BACE1: variants seen among roughly 807,000 people sequenced by gnomAD.
BACE1 encodes APP beta-secretase.
In BACE1, 21 loss-of-function variants were observed where a neutral mutation model predicts 54.0. The ratio of observed to expected loss-of-function variants is 0.39; its 90% confidence interval spans 0.28 to 0.56. The LOEUF is 0.56. BACE1 is among the 20% of genes least tolerant of loss of function. The pLI is 0.63. For synonymous variants in BACE1, 232 were observed against 260.9 expected (o/e 0.89, Z 1.07); for missense variants, 511 against 661.2 (o/e 0.77, Z 2.49).
rs2034396560 is a variant in BACE1, at chr11:117,290,609, G to A, written c.1143C>T (p.Tyr381=). The A allele has an allele frequency of 1.2e-6, 2 of 1,614,100 alleles. No individual in the cohort carries two copies. Among genetic ancestry groups the A allele is most frequent in the South Asian group, 2.2e-5 (2 of 91,084 alleles). ...TGGATGACTGTGAGATGGCAAACTT[G>A]TAACAGTCGTCTTGGGACGTGGCCA... ...EDVATSQDDC[Y]KFAISQSSTG... Residue 381 remains tyrosine (Y), a synonymous_variant, in exon 8 of 9, where the codon TAC becomes TAT. Coordinates refer to ENST00000313005, the MANE Select transcript of BACE1 (RefSeq NM_012104.6).
At chr11:117,295,438 A>G (rs1199057303) in intron 2 of BACE1, 91 bp from the exon 3 acceptor site, 2 of 1,528,722 alleles carry the variant, frequency 1.3e-6, no homozygotes, top group Admixed American at 2.0e-5. Context: ...ACCTTATCTC[A>G]TCTCAGGGGA....
At position 117,295,296 on chromosome 11, in the gene BACE1, C is replaced by T. The variant is rs756882380; in HGVS notation, c.402G>A (p.Gln134=). The change falls in exon 3 of 9, where the codon CAG becomes CAA. Residue 134 remains glutamine (Q), a synonymous_variant. Transcript: ENST00000313005. ...LRKGVYVPYT[Q]GKWEGELGTD... is the part of the protein sequence containing the mutation. ...TGCCCAGCTCCCCTTCCCACTTGCC[C>T]TGGGTGTAGGGCACATACACACCCT... is the stretch of plus-strand genomic sequence containing the variant. The T allele has an allele frequency of 4.3e-6, 7 of 1,614,106 alleles. No individual in the cohort carries two copies. Among genetic ancestry groups the T allele is most frequent in the South Asian group, 3.3e-5 (3 of 91,094 alleles).
rs182317425 is a variant in BACE1, at chr11:117,308,473, C to T, written c.261+7062G>A. ...AGCATCTCAAAGGCATGTCCCAGATCGTAGAACACAGGAAGGAAAGGCCCC... is the reference window on the plus strand; with the variant it reads ...AGCATCTCAAAGGCATGTCCCAGATTGTAGAACACAGGAAGGAAAGGCCCC... On this transcript the variant is annotated intron_variant, in intron 1 of 8. Coordinates refer to ENST00000313005, the MANE Select transcript of BACE1 (RefSeq NM_012104.6). Among the ~76,000 whole-genome samples the T allele has an allele frequency of 1.8e-4, 27 of 152,276 alleles. 2 individuals are homozygous for T. Among genetic ancestry groups the T allele is most frequent in the African/African-American group, 6.3e-4 (26 of 41,544 alleles).
chr11:117,286,908 A>G lies in BACE1; in HGVS notation c.*2658T>C, dbSNP rs1306268390. On this transcript the variant is annotated 3_prime_UTR_variant, in exon 9 of 9. Coordinates refer to ENST00000313005, the MANE Select transcript of BACE1 (RefSeq NM_012104.6). ...GGTGGCAAAATGGAAGACCAGTTCT[A>G]TTGTTCTTTTTGTTTAGGGGATTCG... 1 of 152,400 alleles carries G rather than the reference A, an allele frequency of 6.6e-6. No individual in the cohort carries two copies. Among genetic ancestry groups the G allele is most frequent in the East Asian group, 1.9e-4 (1 of 5,182 alleles). The allele number at this position is 152,400 out of a possible 1,614,324, so 9.4% of individuals were successfully genotyped here. A position where few individuals can be genotyped will look rare whatever the true frequency, so the allele number is the denominator to read the frequency against.
chr11:117,291,930 T>C (rs2034451731), intron 5 of BACE1, 117 bp from the exon 6 acceptor site: 1 of 633,056 alleles, frequency 1.6e-6, no homozygotes, highest in African/African-American at 1.8e-5. Flanking sequence ...TGGCACCTCC[T>C]AAGTGTACCT....
At chr11:117,313,165 A>G (rs2034992012) in intron 1 of BACE1, among the ~76,000 whole-genome samples, 1 of 152,162 alleles carries the variant, frequency 6.6e-6, no homozygotes, top group East Asian at 1.9e-4. Flanking sequence ...ATGGGGAGAG[A>G]GTCCAAGCCA....
In BACE1 at chr11:117,288,097, A is replaced by T. The variant is rs1456822709; in HGVS notation, c.*1469T>A. On this transcript the variant is annotated 3_prime_UTR_variant, in exon 9 of 9. Transcript: ENST00000313005. The stretch of plus-strand genomic sequence containing the variant: ...ACCTAGCCCAAGAACCAGCCTGGGT[A>T]CCCACGTACCATTAGGAGCGGGGAG... 6.5e-6 allele frequency: 1 copy of T among 152,674 alleles called. No homozygotes were observed. Among genetic ancestry groups the T allele is most frequent in the Non-Finnish European group, 1.5e-5 (1 of 68,092 alleles). The allele number at this position is 152,674 out of a possible 1,614,324, so 9.5% of individuals were successfully genotyped here.
intron 1 of BACE1, among the ~76,000 whole-genome samples, chr11:117,308,124 C>T (rs2034872077): frequency 6.6e-6 from 1 of 152,060 alleles, no homozygotes; most frequent in Non-Finnish European, 1.5e-5. Context: ...CCTTCTCCCT[C>T]ACCGCTGAGG....
In BACE1 at chr11:117,290,677, CAG is replaced by C; in HGVS notation, c.1093-20_1093-19del. Reference sequence around the variant, plus strand: ...AGGTATTGCTAGGGGTAAGCAATCACAGGGTGAGTGTCTTCCTCACTCTCCTT... The same window carrying C: ...AGGTATTGCTAGGGGTAAGCAATCACGGTGAGTGTCTTCCTCACTCTCCTT... On this transcript the variant is annotated intron_variant, in intron 7 of 8. Transcript: ENST00000313005. 1 of 1,612,646 alleles carries C rather than the reference CAG, an allele frequency of 6.2e-7. No homozygotes were observed. The highest frequency in any genetic ancestry group is 8.5e-7 in the Non-Finnish European group (1 of 1,179,458).
intron 1 of BACE1, among the ~76,000 whole-genome samples, chr11:117,305,235 AGT>A (rs1166370290): frequency 6.6e-6 from 1 of 152,062 alleles, no homozygotes; most frequent in Non-Finnish European, 1.5e-5. Flanking sequence ...GCTTTTCCTA[AGT>A]GATTTCCAGA....
rs2034246513 is a variant in BACE1, at chr11:117,285,866, C to T, written c.*3700G>A. The T allele has an allele frequency of 6.6e-6, 1 of 152,588 alleles. No individual in the cohort carries two copies. The highest frequency in any genetic ancestry group is 2.1e-4 in the South Asian group (1 of 4,834). The allele number at this position is 152,588 out of a possible 1,614,324, so 9.5% of individuals were successfully genotyped here. On this transcript the variant is annotated 3_prime_UTR_variant, in exon 9 of 9. Coordinates refer to ENST00000313005, the MANE Select transcript of BACE1 (RefSeq NM_012104.6). ...CACAAGCTTCTGTCCACCCTATTTT[C>T]TGGACAGAAATTAGCACAACCCACA...
At chr11:117,289,986 C>T (rs934431591) in intron 8 of BACE1, among the ~76,000 whole-genome samples, 179 bp from the exon 9 acceptor site, 1 of 152,158 alleles carries the variant, frequency 6.6e-6, no homozygotes, top group East Asian at 1.9e-4. Context: ...GTCTCCCTTC[C>T]CAAGTCACTG....
At position 117,289,351 on chromosome 11, in the gene BACE1, T is replaced by A; in HGVS notation, c.*215A>T. 1 of 676,184 alleles carries A rather than the reference T, an allele frequency of 1.5e-6. No individual in the cohort carries two copies. Among genetic ancestry groups the A allele is most frequent in the Non-Finnish European group, 2.3e-6 (1 of 426,346 alleles). The allele number at this position is 676,184 out of a possible 1,614,324, so 41.9% of individuals were successfully genotyped here. On this transcript the variant is annotated 3_prime_UTR_variant, in exon 9 of 9. Coordinates refer to ENST00000313005, the MANE Select transcript of BACE1 (RefSeq NM_012104.6). Reference sequence around the variant, plus strand: ...ACCAAGAGTATTCCCGCCAGCAGAGTGCTTCTTTCTTCTCTTTTCTGTTTC... The same window carrying A: ...ACCAAGAGTATTCCCGCCAGCAGAGAGCTTCTTTCTTCTCTTTTCTGTTTC...
intron 8 of BACE1, 144 bp downstream of exon 8, chr11:117,290,344 A>G: frequency 3.9e-6 from 4 of 1,022,088 alleles, no homozygotes. Context: ...CATTGACACT[A>G]GCTTTTGCAC....
chr11:117,309,027 G>T (rs1188955265), intron 1 of BACE1, among the ~76,000 whole-genome samples: 1 of 152,120 alleles, frequency 6.6e-6, no homozygotes, highest in African/African-American at 2.4e-5. Context: ...CTGACAAAAA[G>T]TCAGAGAGGT....
chr11:117,291,093 A>G (rs774182544), intron 6 of BACE1, 44 bp from the exon 7 acceptor site: 1 of 1,602,230 alleles, frequency 6.2e-7, no homozygotes, highest in Non-Finnish European at 8.5e-7. Flanking sequence ...AAGCCTCTTT[A>G]TCATCTCGCC....
At chr11:117,305,677 T>C (rs148083479) in intron 1 of BACE1, among the ~76,000 whole-genome samples, 102 of 152,128 alleles carry the variant, frequency 6.7e-4, no homozygotes, top group African/African-American at 2.4e-3. Flanking sequence ...CCTACTCCAA[T>C]AGAATGATGG....
At chr11:117,301,279 C>T (rs527524831) in intron 1 of BACE1, among the ~76,000 whole-genome samples, 8 of 152,322 alleles carry the variant, frequency 5.3e-5, no homozygotes, top group African/African-American at 1.4e-4. Flanking sequence ...TCCCGACGCA[C>T]GCACCCAAGT....
chr11:117,290,518 G>T lies in BACE1; in HGVS notation c.1234C>A (p.Arg412=). The T allele has an allele frequency of 6.2e-7, 1 of 1,614,180 alleles. No individual in the cohort carries two copies. The stretch of plus-strand genomic sequence containing the variant: ...CAAGCGCTGACAGCAAAGCCAATTC[G>T]TTTTCGGGCCCGATCAAAGACAACG... ...FYVVFDRARK[R]IGFAVSACHV... is the part of the protein sequence containing the mutation. Residue 412 remains arginine, a synonymous_variant, in exon 8 of 9, where the codon CGA becomes AGA. Coordinates refer to ENST00000313005, the MANE Select transcript of BACE1 (RefSeq NM_012104.6).
Sources: allele counts gnomAD v4.1 joint callset (sites outside exome capture counted in the v4.1 genomes callset), GRCh38; gene constraint gnomAD v4.1.1; transcripts MANE v1.5; gene names NCBI Gene and HGNC (gene_info 2026-07-23, HGNC 2026-07-21).